The following NCOA1 variants were observed in gnomAD, a reference collection of about 807,000 sequenced individuals.
NCOA1 encodes the protein nuclear receptor coactivator 1.
NCOA1 carries 35 observed loss-of-function variants against 150.9 expected under a neutral mutation model. The observed-to-expected ratio is 0.23, with a 90% CI of 0.18 to 0.31. The LOEUF is 0.31. Ranked by LOEUF, NCOA1 falls within the 10% of genes least tolerant of loss-of-function variation. NCOA1 has a pLI of 1.00. For missense variants in NCOA1, 1,491 were observed against 1,749.3 expected, an observed-to-expected ratio of 0.85 and a Z score of 2.63; for synonymous variants, 590 against 630.0, an observed-to-expected ratio of 0.94 and a Z score of 0.95.
intron 7 of NCOA1, among the ~76,000 whole-genome samples, chr2:24,680,789 C>T (rs1430818613): frequency 1.3e-5 from 2 of 151,898 alleles, no homozygotes; most frequent in Non-Finnish European, 2.9e-5. Context: ...CTTGATTTGG[C>T]CATTCTACAA....
At chr2:24,549,399 C>CA (rs1247749774) in intron 1 of NCOA1, among the ~76,000 whole-genome samples, 1 of 152,150 alleles carries the variant, frequency 6.6e-6, no homozygotes, top group African/African-American at 2.4e-5. Flanking sequence ...GGGGCTGCCA[C>CA]AAAGGTCTCT....
At chr2:24,607,296 T>C (rs758137410) in intron 3 of NCOA1, among the ~76,000 whole-genome samples, 1 of 152,014 alleles carries the variant, frequency 6.6e-6, no homozygotes, top group Non-Finnish European at 1.5e-5. Flanking sequence ...TCATTTTCTG[T>C]GTTGAGTTTT....
At chr2:24,527,279 A>G (rs1012183336) in intron 1 of NCOA1, among the ~76,000 whole-genome samples, 1 of 152,166 alleles carries the variant, frequency 6.6e-6, no homozygotes, top group Non-Finnish European at 1.5e-5. Context: ...TATCCTACAT[A>G]TCTGCTACTT....
chr2:24,683,238 TATA>T lies in NCOA1; in HGVS notation c.532+114_532+116del, dbSNP rs1482039537. 35 of 620,758 alleles carry T rather than the reference TATA, an allele frequency of 5.6e-5. No homozygotes were observed. In the South Asian group the frequency reaches 1.9e-3, roughly 34 times the overall value. 38.5% of individuals were successfully genotyped at this position (620,758 alleles called of 1,614,324 possible). A position where few individuals can be genotyped will look rare whatever the true frequency, so the allele number is the denominator to read the frequency against. On this transcript the variant is annotated intron_variant, in intron 8 of 22. Coordinates refer to ENST00000348332, the MANE Select transcript of NCOA1 (RefSeq NM_003743.5). Reference sequence around the variant, plus strand: ...TTATAATACACAGTATTATATATGTTATAATATGTGTTTAAAATATTTTTTCAG... The same window carrying T: ...TTATAATACACAGTATTATATATGTTATATGTGTTTAAAATATTTTTTCAG...
chr2:24,604,526 C>T (rs1239238577), intron 3 of NCOA1, among the ~76,000 whole-genome samples: 1 of 152,216 alleles, frequency 6.6e-6, no homozygotes, highest in Non-Finnish European at 1.5e-5. Flanking sequence ...GCTGCTTCAC[C>T]TTGCACTTTT....
chr2:24,545,769 A>C (rs536529439), intron 1 of NCOA1, among the ~76,000 whole-genome samples: 1 of 152,192 alleles, frequency 6.6e-6, no homozygotes, highest in African/African-American at 2.4e-5. Flanking sequence ...CTTATAGAAT[A>C]TTTATTCTGT....
intron 19 of NCOA1, among the ~76,000 whole-genome samples, chr2:24,751,768 G>A (rs1664254829): frequency 6.6e-6 from 1 of 152,024 alleles, no homozygotes; most frequent in Non-Finnish European, 1.5e-5. Flanking sequence ...TATTTCATTG[G>A]TTTATGCTGA....
chr2:24,506,317 T>G (rs1314575474), intron 1 of NCOA1, among the ~76,000 whole-genome samples: 3 of 152,178 alleles, frequency 2.0e-5, no homozygotes, highest in African/African-American at 7.2e-5. Flanking sequence ...TGATAGTTAT[T>G]TCTCTCTTTG....
chr2:24,633,285 T>A (rs766730070), intron 3 of NCOA1, among the ~76,000 whole-genome samples: 4 of 151,100 alleles, frequency 2.6e-5, no homozygotes, highest in Admixed American at 6.6e-5. Flanking sequence ...TAAGAACATA[T>A]AGTAGAAAAG....
intron 1 of NCOA1, among the ~76,000 whole-genome samples, chr2:24,533,084 G>A (rs10196877): frequency 1.3e-5 from 2 of 152,182 alleles, no homozygotes; most frequent in South Asian, 2.1e-4. Context: ...CTATCCATGA[G>A]CATGGAATGT....
chr2:24,507,712 A>G (rs17734407), intron 1 of NCOA1, among the ~76,000 whole-genome samples: 22,065 of 151,916 alleles, frequency 0.15, 1,970 homozygotes, highest in Non-Finnish European at 0.2. Flanking sequence ...GTTCACTTGT[A>G]TTACGTGGTC....
In NCOA1 at chr2:24,517,004, G is replaced by GCACA. The variant is rs72422469; in HGVS notation, c.-396+25424_-396+25427dup. 8.3e-3 allele frequency among the ~76,000 whole-genome samples: 698 copies of GCACA among 83,918 alleles called. 6 individuals carry two copies. The highest frequency in any genetic ancestry group is 0.026 in the African/African-American group (644 of 24,882). The allele number at this position is 83,918 out of a possible 152,430, so 55.1% of individuals were successfully genotyped here. Reference sequence around the variant, plus strand: ...TATACGTATATATATACACACGCGCGCACACACACACACACACACACACAC... The same window carrying GCACA: ...TATACGTATATATATACACACGCGCGCACACACACACACACACACACACACACAC... On this transcript the variant is annotated intron_variant, in intron 1 of 22. Transcript: ENST00000348332.
intron 1 of NCOA1, among the ~76,000 whole-genome samples, chr2:24,494,067 A>C (rs1367209044): frequency 6.6e-6 from 1 of 152,236 alleles, no homozygotes; most frequent in Admixed American, 6.5e-5. Flanking sequence ...TGTTGTTCTC[A>C]GAATGGAATG....
At chr2:24,661,787 C>G (rs1215727352) in intron 5 of NCOA1, among the ~76,000 whole-genome samples, 1 of 152,018 alleles carries the variant, frequency 6.6e-6, no homozygotes, top group Non-Finnish European at 1.5e-5. Context: ...TGATAATTGC[C>G]TTGATATGTG....
intron 7 of NCOA1, among the ~76,000 whole-genome samples, chr2:24,675,112 T>C (rs1671847562): frequency 6.6e-6 from 1 of 152,150 alleles, no homozygotes. Context: ...AGTCTAGCCT[T>C]GGCTCTTTCC....
chr2:24,767,421 C>G (rs1665123620), intron 22 of NCOA1, among the ~76,000 whole-genome samples: 1 of 152,166 alleles, frequency 6.6e-6, no homozygotes, highest in Non-Finnish European at 1.5e-5. Context: ...TTTAATAAGG[C>G]TGGTTGGTAA....
chr2:24,744,782 A>G (rs905577770), intron 19 of NCOA1, among the ~76,000 whole-genome samples: 1 of 152,244 alleles, frequency 6.6e-6, no homozygotes, highest in African/African-American at 2.4e-5. Flanking sequence ...TTAATGGAAC[A>G]CAGCCATACT....
chr2:24,751,139 G>T (rs897158802), intron 19 of NCOA1, among the ~76,000 whole-genome samples: 1 of 149,694 alleles, frequency 6.7e-6, no homozygotes, highest in Admixed American at 6.7e-5. Flanking sequence ...AGGCGTTTTT[G>T]TATTTTTAGT....
intron 12 of NCOA1, 141 bp downstream of exon 12, chr2:24,705,374 A>G (rs879117478): frequency 2.2e-5 from 16 of 733,414 alleles, no homozygotes; most frequent in Admixed American, 1.1e-4. Context: ...TATATAATCA[A>G]TATATCCATA....
Sources: allele counts gnomAD v4.1 joint callset (sites outside exome capture counted in the v4.1 genomes callset), GRCh38; gene constraint gnomAD v4.1.1; transcripts MANE v1.5; gene names NCBI Gene and HGNC (gene_info 2026-07-23, HGNC 2026-07-21).